Variants in PRKCE observed in about 807,000 individuals in gnomAD.
PRKCE encodes protein kinase C epsilon.
In PRKCE, 16 loss-of-function variants were observed where a neutral mutation model predicts 85.4. The ratio of observed to expected loss-of-function variants is 0.19; its 90% CI spans 0.13 to 0.28. The LOEUF is 0.28. Ranked by LOEUF, PRKCE falls within the 10% of genes least tolerant of loss-of-function variation. The probability of loss-of-function intolerance (pLI) is 1.00; values close to 1 mark genes in which losing one functional copy is unlikely to be tolerated. For synonymous variants in PRKCE, 388 were observed against 371.5 expected (o/e 1.04, Z -0.51); for missense variants, 573 against 975.2 (o/e 0.59, Z 5.49).
intron 10 of PRKCE, among the ~76,000 whole-genome samples, chr2:46,036,450 T>C (rs1323918977): frequency 6.6e-6 from 1 of 151,834 alleles, no homozygotes; most frequent in African/African-American, 2.4e-5. Flanking sequence ...ATTAGCCAGG[T>C]ATGGTGGTAC....
intron 10 of PRKCE, among the ~76,000 whole-genome samples, chr2:46,032,053 G>A (rs943671685): frequency 6.6e-6 from 1 of 152,102 alleles, no homozygotes; most frequent in African/African-American, 2.4e-5. Context: ...TCTCCTTTGC[G>A]CAGTGGAAAT....
chr2:46,144,300 A>C (rs759760996), intron 11 of PRKCE, among the ~76,000 whole-genome samples: 1 of 152,116 alleles, frequency 6.6e-6, no homozygotes, highest in Non-Finnish European at 1.5e-5. Flanking sequence ...TGCCCCTAGG[A>C]AAGTGATCTT....
intron 5 of PRKCE, among the ~76,000 whole-genome samples, chr2:45,980,978 C>G (rs1363775351): frequency 6.6e-6 from 1 of 152,230 alleles, no homozygotes; most frequent in African/African-American, 2.4e-5. Context: ...GTGAAATTAA[C>G]CTGCCCAAAA....
chr2:45,736,997 A>G lies in PRKCE; in HGVS notation c.348+84549A>G, dbSNP rs552761686. ...GGAAGAGGGGCCCGGCCATGCTGAA[A>G]GGGAGCTGCCGCCTTCAGGAGATGG... On this transcript the variant is annotated intron_variant, in intron 1 of 14. Transcript: ENST00000306156. Among the ~76,000 whole-genome samples the G allele has an allele frequency of 2.1e-4, 32 of 152,310 alleles. 1 individual carries two copies. Among genetic ancestry groups the G allele is most frequent in the African/African-American group, 7.7e-4 (32 of 41,572 alleles).
intron 6 of PRKCE, among the ~76,000 whole-genome samples, chr2:45,991,631 AT>A (rs1703806767): frequency 6.6e-6 from 1 of 152,192 alleles, no homozygotes; most frequent in Admixed American, 6.5e-5. Flanking sequence ...CGCCATTTTA[AT>A]TTATGCTGTC....
At chr2:46,147,704 T>C (rs1191475212) in intron 12 of PRKCE, among the ~76,000 whole-genome samples, 1 of 152,216 alleles carries the variant, frequency 6.6e-6, no homozygotes, top group African/African-American at 2.4e-5. Flanking sequence ...AGATTATGCC[T>C]CTAAAGCATT....
intron 1 of PRKCE, among the ~76,000 whole-genome samples, chr2:45,711,875 G>A (rs1679670233): frequency 1.3e-5 from 2 of 152,100 alleles, no homozygotes; most frequent in African/African-American, 4.8e-5. Context: ...TGCATGCCTT[G>A]GCCTCCCAAA....
At chr2:46,154,467 A>AC (rs1478325496) in intron 13 of PRKCE, among the ~76,000 whole-genome samples, 28 of 32,134 alleles carry the variant, frequency 8.7e-4, no homozygotes, top group Non-Finnish European at 1.0e-3. Context: ...ACCCCCCCCA[A>AC]CCCCCCCGCC....
At chr2:45,723,381 C>T (rs75989909) in intron 1 of PRKCE, among the ~76,000 whole-genome samples, 1 of 152,066 alleles carries the variant, frequency 6.6e-6, no homozygotes, top group Non-Finnish European at 1.5e-5. Flanking sequence ...CAGGAGGCTT[C>T]CAGGGCCTGA....
At chr2:46,119,898 T>C (rs2104318535) in intron 11 of PRKCE, among the ~76,000 whole-genome samples, 1 of 152,332 alleles carries the variant, frequency 6.6e-6, no homozygotes, top group South Asian at 2.1e-4. Flanking sequence ...TGATAATGTG[T>C]CTTTTAAAAT....
At chr2:45,673,548 G>A (rs535399082) in intron 1 of PRKCE, among the ~76,000 whole-genome samples, 1 of 152,268 alleles carries the variant, frequency 6.6e-6, no homozygotes, top group Non-Finnish European at 1.5e-5. Context: ...AAGTTAATAC[G>A]ACATATTTAG....
chr2:45,836,270 C>G (rs1690868977), intron 1 of PRKCE, among the ~76,000 whole-genome samples: 1 of 152,206 alleles, frequency 6.6e-6, no homozygotes. Flanking sequence ...ATCTGCCCCT[C>G]CCCTTATTTT....
rs150944774 is a variant in PRKCE, at chr2:45,844,556, A to G, written c.412+1493A>G. On this transcript the variant is annotated intron_variant, in intron 2 of 14. Coordinates refer to ENST00000306156, the MANE Select transcript of PRKCE (RefSeq NM_005400.3). ...GTGAAGCCTTGTCCTTGCTTTTAAC[A>G]TAGAAAGTGATCCAAATTCACCAGA... Among the ~76,000 whole-genome samples, 4 of 152,358 alleles carry G rather than the reference A, an allele frequency of 2.6e-5. No homozygotes were observed. In the East Asian group the frequency reaches 7.7e-4, roughly 29 times the overall value.
intron 1 of PRKCE, among the ~76,000 whole-genome samples, chr2:45,825,220 T>G (rs1402191362): frequency 6.6e-6 from 1 of 152,204 alleles, no homozygotes; most frequent in Non-Finnish European, 1.5e-5. Context: ...AGCTGCACCT[T>G]GTGGGGAACT....
intron 2 of PRKCE, among the ~76,000 whole-genome samples, chr2:45,958,952 G>C (rs376314510): frequency 2.0e-5 from 3 of 147,156 alleles, no homozygotes; most frequent in East Asian, 4.1e-4. Flanking sequence ...CTTCAGGCTA[G>C]CTATTAACAT....
At chr2:45,842,415 C>T (rs1276618477) in intron 1 of PRKCE, among the ~76,000 whole-genome samples, 1 of 152,126 alleles carries the variant, frequency 6.6e-6, no homozygotes, top group Non-Finnish European at 1.5e-5. Flanking sequence ...TGATAAACGC[C>T]ATAAAAGCAG....
chr2:45,881,901 A>G (rs1157095310), intron 2 of PRKCE, among the ~76,000 whole-genome samples: 1 of 152,078 alleles, frequency 6.6e-6, no homozygotes, highest in Non-Finnish European at 1.5e-5. Context: ...TAGCTCGAAG[A>G]CCCCTGGAGC....
At chr2:45,922,189 A>G (rs1020485114) in intron 2 of PRKCE, among the ~76,000 whole-genome samples, 1 of 152,200 alleles carries the variant, frequency 6.6e-6, no homozygotes, top group Non-Finnish European at 1.5e-5. Context: ...CTCTGTTGAC[A>G]TTGGTTTGAG....
chr2:46,007,610 C>G lies in PRKCE; in HGVS notation c.1212C>G (p.Gly404=). 1 of 1,599,746 alleles carries G rather than the reference C, an allele frequency of 6.3e-7. No individual in the cohort carries two copies. The highest frequency in any genetic ancestry group is 8.5e-7 in the Non-Finnish European group (1 of 1,179,958). Residue 404 remains glycine, a synonymous_variant, in exon 9 of 15, where the codon GGC becomes GGG. Transcript: ENST00000306156. ...GGCAAGGCCAGGCCAAGCGCCTGGG[C>G]CTGGATGAGTTCAACTTCATCAAGG... ...EVRQGQAKRL[G]LDEFNFIKVL...
Sources: allele counts gnomAD v4.1 joint callset (sites outside exome capture counted in the v4.1 genomes callset), GRCh38; gene constraint gnomAD v4.1.1; transcripts MANE v1.5; gene names NCBI Gene and HGNC (gene_info 2026-07-23, HGNC 2026-07-21).